OCA2: variants seen among roughly 807,000 people sequenced by gnomAD.
The protein encoded by OCA2 is P protein.
A neutral mutation model predicts 100.2 loss-of-function variants in OCA2; 77 were observed. The ratio of observed to expected loss-of-function variants is 0.77; its 90% CI spans 0.64 to 0.93. The LOEUF (loss-of-function observed/expected upper bound fraction) is 0.93, where lower values mean the gene tolerates loss of function less well. Among genes scored for constraint, OCA2 ranks in the 40% least tolerant of loss-of-function variants. OCA2 has a pLI of 0.00. For synonymous variants in OCA2, 432 were observed against 439.2 expected (o/e 0.98, Z 0.21); for missense variants, 1,062 against 1,089.1 (o/e 0.98, Z 0.35).
At chr15:27,882,475 C>G (rs1353166421) in intron 19 of OCA2, among the ~76,000 whole-genome samples, 2 of 152,072 alleles carry the variant, frequency 1.3e-5, no homozygotes, top group African/African-American at 4.8e-5. Flanking sequence ...TTTTCTTTAC[C>G]TCATTGATCA....
chr15:27,899,449 A>G (rs182231815), intron 19 of OCA2, among the ~76,000 whole-genome samples: 8 of 152,334 alleles, frequency 5.3e-5, no homozygotes, highest in Admixed American at 3.3e-4. Flanking sequence ...TATTTTAGAA[A>G]TTTATGATTA....
rs542571783 is a variant in OCA2 at position 28,032,119 on chromosome 15, T to A, written c.272A>T (p.Asp91Val). Reference protein sequence around the residue: ...LPQMSSSRSKDSCFTENTPLL... With the variant: ...LPQMSSSRSKVSCFTENTPLL... ...AGGAGTGTTTTCTGTAAAGCAGGAATCTTTAGACCTGGAGCTGGACATCTG... is the reference window on the plus strand; with the variant it reads ...AGGAGTGTTTTCTGTAAAGCAGGAAACTTTAGACCTGGAGCTGGACATCTG... Residue 91 changes from aspartate to valine, a missense_variant, in exon 3 of 24, where the codon GAT (aspartate) becomes GTT (valine). Asp to Val is a radical substitution (Grantham distance 152). Transcript: ENST00000354638. The A allele has an allele frequency of 9.9e-6, 16 of 1,614,102 alleles. No homozygotes were observed. In the African/African-American group the frequency reaches 1.7e-4, roughly 17 times the overall value.
chr15:27,992,784 C>A (rs990759980), intron 9 of OCA2, among the ~76,000 whole-genome samples: 18 of 152,182 alleles, frequency 1.2e-4, no homozygotes, highest in Non-Finnish European at 2.9e-5. Context: ...TCTGGCTTAA[C>A]CTTTGGGCTA....
At chr15:27,757,440 C>T (rs1012125767) in intron 23 of OCA2, among the ~76,000 whole-genome samples, 14 of 152,292 alleles carry the variant, frequency 9.2e-5, no homozygotes, top group Admixed American at 8.5e-4. Flanking sequence ...GATGAAGCAA[C>T]TGAAGCTTGC....
At chr15:27,883,256 C>T (rs1567058516) in intron 19 of OCA2, among the ~76,000 whole-genome samples, 2 of 152,178 alleles carry the variant, frequency 1.3e-5, no homozygotes, top group African/African-American at 2.4e-5. Flanking sequence ...AGGAAAACCA[C>T]CCCGAGAGGG....
intron 23 of OCA2, among the ~76,000 whole-genome samples, chr15:27,827,082 A>G (rs4778189): frequency 0.5 from 76,806 of 152,104 alleles, 19,998 homozygotes; most frequent in South Asian, 0.76. Flanking sequence ...GCAGCCTCTC[A>G]CAAACGTTCG....
At chr15:28,035,794 G>GCATTTATAAGCTTATAAATGCCTATA (rs1271648407) in intron 2 of OCA2, among the ~76,000 whole-genome samples, 16 of 151,920 alleles carry the variant, frequency 1.1e-4, no homozygotes, top group Admixed American at 3.3e-4. Context: ...ACATTTATAA[G>GCATTTATAAGCTTATAAATGCCTATA]CATTTATAAG....
rs547294843 is a variant in OCA2, at chr15:27,809,768, G to C, written c.2432+35191C>G. ...CAAGAACTCAATCCCTTTTACAATA[G>C]CTGCAAAACATAAAATAAAATACCT... On this transcript the variant is annotated intron_variant, in intron 23 of 23. Transcript: ENST00000354638. Among the ~76,000 whole-genome samples, 12 of 152,214 alleles carry C rather than the reference G, an allele frequency of 7.9e-5. No homozygotes were observed. The East Asian group carries it at 2.3e-3, about 29-fold the overall frequency.
rs190882179 is a variant in OCA2 at position 27,953,265 on chromosome 15, T to C, written c.1843-1373A>G. Among the ~76,000 whole-genome samples, 9 of 152,336 alleles carry C rather than the reference T, an allele frequency of 5.9e-5. No homozygotes were observed. The East Asian group carries it at 1.7e-3, about 29-fold the overall frequency. ...CTTCCTCTGGTCACAAAGGTAAAGC[T>C]GCTGCCATCAAAAACACATGCAAGG... On this transcript the variant is annotated intron_variant, in intron 17 of 23. Coordinates refer to ENST00000354638, the MANE Select transcript of OCA2 (RefSeq NM_000275.3).
the OCA2 span, among the ~76,000 whole-genome samples, chr15:27,740,927 C>T: frequency 1.3e-5 from 2 of 152,204 alleles, no homozygotes; most frequent in East Asian, 1.9e-4. Flanking sequence ...CCTAACTCCC[C>T]GAGGAGCAGA....
chr15:27,861,155 A>G (rs2036115278), intron 21 of OCA2, among the ~76,000 whole-genome samples: 1 of 152,230 alleles, frequency 6.6e-6, no homozygotes, highest in Non-Finnish European at 1.5e-5. Context: ...AATGGATCAG[A>G]TTCAAAACCT....
At chr15:27,823,615 A>T (rs1035436811) in intron 23 of OCA2, among the ~76,000 whole-genome samples, 8 of 152,214 alleles carry the variant, frequency 5.3e-5, no homozygotes, top group Non-Finnish European at 1.2e-4. Flanking sequence ...ATTTTCAATT[A>T]GTTATTTTAG....
the OCA2 span, among the ~76,000 whole-genome samples, chr15:27,749,324 C>A: frequency 1.3e-5 from 2 of 152,124 alleles, no homozygotes; most frequent in Non-Finnish European, 2.9e-5. Context: ...TTCTCAAGGG[C>A]TGAAAGAAAA....
At chr15:28,066,433 AT>A (rs2044026240) in intron 2 of OCA2, among the ~76,000 whole-genome samples, 1 of 152,114 alleles carries the variant, frequency 6.6e-6, no homozygotes, top group Non-Finnish European at 1.5e-5. Context: ...GGCGTTAGAT[AT>A]GCCTCATTAT....
At chr15:27,816,598 C>T (rs564927060) in intron 23 of OCA2, among the ~76,000 whole-genome samples, 1 of 152,180 alleles carries the variant, frequency 6.6e-6, no homozygotes, top group South Asian at 2.1e-4. Flanking sequence ...GGGAAGGTGC[C>T]CCATGGCTCT....
intron 5 of OCA2, among the ~76,000 whole-genome samples, 200 bp downstream of exon 5, chr15:28,024,645 C>G (rs2042694227): frequency 6.6e-6 from 1 of 152,216 alleles, no homozygotes; most frequent in Non-Finnish European, 1.5e-5. Flanking sequence ...GGGACCACAG[C>G]AGAGGAGCAC....
At chr15:27,996,595 G>GAA (rs71132828) in intron 9 of OCA2, among the ~76,000 whole-genome samples, 3 of 149,558 alleles carry the variant, frequency 2.0e-5, no homozygotes, top group Non-Finnish European at 4.4e-5. Flanking sequence ...GACCTACCAA[G>GAA]AAAAAAAAAG....
At chr15:27,894,361 A>G (rs1169024858) in intron 19 of OCA2, among the ~76,000 whole-genome samples, 1 of 152,196 alleles carries the variant, frequency 6.6e-6, no homozygotes, top group Non-Finnish European at 1.5e-5. Context: ...CTAAGATGCC[A>G]GGACATCCTG....
At chr15:27,855,111 A>C (rs1317866766) in intron 21 of OCA2, among the ~76,000 whole-genome samples, 1 of 152,158 alleles carries the variant, frequency 6.6e-6, no homozygotes, top group African/African-American at 2.4e-5. Context: ...CCTCTCTGGG[A>C]TTTGCAATTC....
Sources: allele counts gnomAD v4.1 joint callset (sites outside exome capture counted in the v4.1 genomes callset), GRCh38; gene constraint gnomAD v4.1.1; transcripts MANE v1.5; gene names NCBI Gene and HGNC (gene_info 2026-07-23, HGNC 2026-07-21).